C10orf143: variants seen among roughly 807,000 people sequenced by gnomAD.
C10orf143 encodes chromosome 10 open reading frame 143, also known as uncharacterized protein C10orf143.
chr10:130,107,709 G>A, intron 1 of C10orf143: 1 of 1,244,642 alleles, frequency 8.0e-7, no homozygotes, highest in Non-Finnish European at 1.2e-6. Flanking sequence ...GGGGAAGGAA[G>A]AGGCTCAAGA....
chr10:130,101,877 A>AAAAAAAAAAT (rs1861562108), intron 1 of C10orf143, among the ~76,000 whole-genome samples: 1 of 148,490 alleles, frequency 6.7e-6, no homozygotes, highest in Non-Finnish European at 1.5e-5. Context: ...AAAAAAAAAA[A>AAAAAAAAAAT]AAAAAAAACT....
At chr10:130,088,442 A>G (rs1488861225) in intron 1 of C10orf143, among the ~76,000 whole-genome samples, 1 of 152,232 alleles carries the variant, frequency 6.6e-6, no homozygotes, top group African/African-American at 2.4e-5. Flanking sequence ...TCAGTAATGC[A>G]ATTAATAAGT....
chr10:130,107,417 G>A, intron 1 of C10orf143: 1 of 1,218,830 alleles, frequency 8.2e-7, no homozygotes, highest in Non-Finnish European at 1.2e-6. Context: ...TGAGAAAAAG[G>A]CACATCATAA....
intron 3 of C10orf143, among the ~76,000 whole-genome samples, chr10:130,045,112 C>A (rs551198756): frequency 5.1e-4 from 78 of 152,338 alleles, no homozygotes; most frequent in Admixed American, 1.7e-3. Context: ...ACAAAACCCA[C>A]CCCATGGAGA....
chr10:130,105,602 C>T (rs1446671127), intron 1 of C10orf143, among the ~76,000 whole-genome samples: 1 of 152,070 alleles, frequency 6.6e-6, no homozygotes, highest in Non-Finnish European at 1.5e-5. Context: ...TGGTGGCGGG[C>T]ACCTGTAATT....
At chr10:130,092,351 C>G (rs1323209996) in intron 1 of C10orf143, among the ~76,000 whole-genome samples, 1 of 152,186 alleles carries the variant, frequency 6.6e-6, no homozygotes. Context: ...AAATCCTTTA[C>G]AGACAAGCAA....
intron 1 of C10orf143, chr10:130,106,405 GGCA>G (rs1342396214): frequency 6.2e-7 from 1 of 1,602,812 alleles, no homozygotes; most frequent in South Asian, 1.1e-5. Context: ...TTGAGAAGGC[GGCA>G]GCAGAAGCAC....
At chr10:130,106,662 T>G in intron 1 of C10orf143, 2 of 1,240,968 alleles carry the variant, frequency 1.6e-6, no homozygotes, top group Non-Finnish European at 2.4e-6. Context: ...CAACTGAAGA[T>G]AGCAATAAAA....
chr10:130,107,744 C>G (rs528284423), intron 1 of C10orf143: 2 of 1,236,272 alleles, frequency 1.6e-6, no homozygotes, highest in South Asian at 1.2e-5. Context: ...TCTGGACCAT[C>G]AGATTACCAA....
chr10:130,062,926 G>A (rs1860872013), downstream of C10orf143, among the ~76,000 whole-genome samples: 1 of 152,160 alleles, frequency 6.6e-6, no homozygotes, highest in South Asian at 2.1e-4. Flanking sequence ...GGAGGGCACT[G>A]ACACTGAGGA....
intron 3 of C10orf143, among the ~76,000 whole-genome samples, chr10:130,038,462 G>A (rs1456964202): frequency 6.6e-6 from 1 of 152,104 alleles, no homozygotes; most frequent in African/African-American, 2.4e-5. Flanking sequence ...ATGAGGGTGG[G>A]CCCCACAGCC....
At chr10:130,050,876 G>GT (rs1860729193) in intron 3 of C10orf143, among the ~76,000 whole-genome samples, 1 of 152,198 alleles carries the variant, frequency 6.6e-6, no homozygotes, top group Non-Finnish European at 1.5e-5. Flanking sequence ...ATAGGCAGGT[G>GT]TGTGGCCTTG....
chr10:130,104,003 A>G (rs148031465), intron 1 of C10orf143: 18 of 152,282 alleles, frequency 1.2e-4, no homozygotes, highest in African/African-American at 4.1e-4. Flanking sequence ...GTGGACATGA[A>G]TCTTTAGGCG....
At chr10:130,074,284 G>A (rs972797625) in intron 3 of C10orf143, among the ~76,000 whole-genome samples, 1 of 152,132 alleles carries the variant, frequency 6.6e-6, no homozygotes, top group African/African-American at 2.4e-5. Flanking sequence ...AAATTGACAG[G>A]GTTAGACCAA....
intron 3 of C10orf143, among the ~76,000 whole-genome samples, chr10:130,068,856 G>A (rs1355516863): frequency 6.6e-6 from 1 of 151,746 alleles, no homozygotes; most frequent in Non-Finnish European, 1.5e-5. Context: ...TTGAGGAACA[G>A]GAAAAAAAAA....
chr10:130,036,649 G>C (rs1860548285), intron 3 of C10orf143, among the ~76,000 whole-genome samples: 1 of 152,224 alleles, frequency 6.6e-6, no homozygotes, highest in South Asian at 2.1e-4. Context: ...TTGACAAAGA[G>C]GGAAGCCCAC....
chr10:130,102,207 G>A (rs374108839), intron 1 of C10orf143, among the ~76,000 whole-genome samples: 2 of 152,318 alleles, frequency 1.3e-5, no homozygotes, highest in East Asian at 3.9e-4. Context: ...TTAGTCTTGG[G>A]AAATTTGTTT....
intron 1 of C10orf143, among the ~76,000 whole-genome samples, chr10:130,096,409 A>G (rs766231488): frequency 1.3e-5 from 2 of 151,870 alleles, no homozygotes; most frequent in Non-Finnish European, 2.9e-5. Context: ...TAGAACCAGA[A>G]ATACCATTTA....
chr10:130,074,829 TGTCCCTAC>T (rs1331506595), intron 3 of C10orf143, among the ~76,000 whole-genome samples: 1 of 152,272 alleles, frequency 6.6e-6, no homozygotes, highest in Admixed American at 6.5e-5. Flanking sequence ...CTCCTCCTGG[TGTCCCTAC>T]AAGGGAAAAC....
Sources: allele counts gnomAD v4.1 joint callset (sites outside exome capture counted in the v4.1 genomes callset), GRCh38; gene constraint gnomAD v4.1.1; transcripts MANE v1.5; gene names NCBI Gene and HGNC (gene_info 2026-07-23, HGNC 2026-07-21).